AVL9: variants seen among roughly 807,000 people sequenced by gnomAD.
AVL9 encodes the protein late secretory pathway protein AVL9 homolog.
AVL9 carries 49 observed loss-of-function variants against 79.2 expected under a neutral mutation model. The observed-to-expected ratio is 0.62, with a 90% CI of 0.49 to 0.79. The LOEUF (loss-of-function observed/expected upper bound fraction) is 0.79. Ranked by LOEUF, AVL9 falls within the 30% of genes least tolerant of loss-of-function variation. The pLI, the probability that AVL9 is intolerant of heterozygous loss-of-function variation, is 0.00. For missense variants in AVL9, 682 were observed against 776.8 expected, an observed-to-expected ratio of 0.88 and a Z score of 1.45; for synonymous variants, 299 against 280.6, an observed-to-expected ratio of 1.07 and a Z score of -0.65.
chr7:32,549,378 C>T (rs1166226393), intron 4 of AVL9, among the ~76,000 whole-genome samples: 6 of 151,532 alleles, frequency 4.0e-5, no homozygotes, highest in African/African-American at 1.5e-4. Context: ...GCATGCACTA[C>T]CATGCCTGGC....
intron 11 of AVL9, among the ~76,000 whole-genome samples, chr7:32,572,172 GAAAA>G (rs72492692): frequency 1.4e-5 from 2 of 141,280 alleles, no homozygotes; most frequent in Admixed American, 6.9e-5. Flanking sequence ...AAAAAAAAAA[GAAAA>G]AAAAAAAATT....
intron 14 of AVL9, among the ~76,000 whole-genome samples, chr7:32,580,540 A>G (rs1257262259): frequency 6.6e-6 from 1 of 152,198 alleles, no homozygotes; most frequent in Non-Finnish European, 1.5e-5. Context: ...TGTCGGAGAG[A>G]TGCAGCCATA....
rs564452127 is a variant in AVL9, at chr7:32,576,801, A to AT, written c.1688+729_1688+730insT. On this transcript the variant is annotated intron_variant, in intron 13 of 15. Transcript: ENST00000318709. The stretch of plus-strand genomic sequence containing the variant: ...GACTTTGTCTCAAAAGAAAAAAAAA[A>AT]GTTAATATTTGGACTCCTGGATATA... Among the ~76,000 whole-genome samples, 42 of 152,222 alleles carry AT rather than the reference A, an allele frequency of 2.8e-4. No homozygotes were observed. The South Asian group carries it at 8.5e-3, about 31-fold the overall frequency.
At chr7:32,577,397 CAG>C (rs1261950617) in intron 13 of AVL9, among the ~76,000 whole-genome samples, 2 of 152,156 alleles carry the variant, frequency 1.3e-5, no homozygotes, top group Admixed American at 6.5e-5. Context: ...ATAGTAAAAA[CAG>C]AATTAAAAGG....
intron 1 of AVL9, chr7:32,532,822 T>G (rs926350440): frequency 3.9e-5 from 6 of 152,336 alleles, no homozygotes; most frequent in African/African-American, 1.4e-4. Context: ...GGAAGATTGC[T>G]TGATCCTAGG....
intron 7 of AVL9, 43 bp from the exon 8 acceptor site, chr7:32,554,515 T>C: frequency 7.8e-7 from 1 of 1,288,902 alleles, no homozygotes; most frequent in Non-Finnish European, 1.1e-6. Context: ...ATTATAGGCG[T>C]GAGTCTCTCA....
chr7:32,527,720 G>T (rs542377668), intron 1 of AVL9, among the ~76,000 whole-genome samples: 1 of 152,096 alleles, frequency 6.6e-6, no homozygotes, highest in Non-Finnish European at 1.5e-5. Context: ...CAACACTATG[G>T]GACAGAATTA....
At chr7:32,548,968 T>C in intron 4 of AVL9, 50 bp downstream of exon 4, 7 of 1,258,198 alleles carry the variant, frequency 5.6e-6, no homozygotes, top group Non-Finnish European at 7.7e-6. Flanking sequence ...ATGGCAGATC[T>C]TTCTTTAAGG....
intron 1 of AVL9, among the ~76,000 whole-genome samples, chr7:32,510,750 G>A (rs1787633150): frequency 9.2e-6 from 1 of 108,592 alleles, no homozygotes; most frequent in African/African-American, 3.3e-5. Context: ...TCTCCCCAGG[G>A]TAAGATTTGT....
Position 32,509,361 on chromosome 7 carries a change from CT to C in AVL9, c.93+13561del, listed in dbSNP as rs369230228. Among the ~76,000 whole-genome samples the C allele has an allele frequency of 3.8e-3, 573 of 152,240 alleles. 3 individuals carry two copies. The highest frequency in any genetic ancestry group is 0.013 in the African/African-American group (535 of 41,538). On this transcript the variant is annotated intron_variant, in intron 1 of 15. Transcript: ENST00000318709. ...TACCCTGTATCTATATAGCAGGGGCCTTGTACCCTGTGTGTGAGTTCTCAGG... is the reference window on the plus strand; with the variant it reads ...TACCCTGTATCTATATAGCAGGGGCCTGTACCCTGTGTGTGAGTTCTCAGG...
chr7:32,565,797 C>T lies in AVL9; in HGVS notation c.1216-4223C>T, dbSNP rs1790539519. 2.6e-5 allele frequency among the ~76,000 whole-genome samples: 4 copies of T among 152,182 alleles called. No individual in the cohort carries two copies. In the South Asian group the frequency reaches 8.3e-4, roughly 32 times the overall value. On this transcript the variant is annotated intron_variant, in intron 10 of 15. Coordinates refer to ENST00000318709, the MANE Select transcript of AVL9 (RefSeq NM_015060.3). ...CCGAGGCGGGCACATCATCTGAGGT[C>T]AAGAGATCAAGACCATCCAGGCCAA...
intron 13 of AVL9, 33 bp from the exon 14 acceptor site, chr7:32,580,186 T>C (rs750428349): frequency 3.3e-5 from 52 of 1,558,350 alleles, no homozygotes; most frequent in Admixed American, 5.2e-5. Context: ...TTTGGTAAAA[T>C]ACTGATAGTT....
At chr7:32,545,852 G>A (rs1789470761) in intron 3 of AVL9, among the ~76,000 whole-genome samples, 1 of 152,142 alleles carries the variant, frequency 6.6e-6, no homozygotes, top group Non-Finnish European at 1.5e-5. Context: ...CTCTAAAGTA[G>A]TGAGTGGTTC....
chr7:32,505,804 C>G (rs1224301550), intron 1 of AVL9, among the ~76,000 whole-genome samples: 3 of 152,066 alleles, frequency 2.0e-5, no homozygotes, highest in African/African-American at 7.2e-5. Flanking sequence ...ACATACTGTT[C>G]TAAGCAAACA....
intron 1 of AVL9, among the ~76,000 whole-genome samples, chr7:32,516,793 C>T (rs1033058690): frequency 1.4e-5 from 2 of 141,142 alleles, no homozygotes; most frequent in Non-Finnish European, 3.1e-5. Flanking sequence ...AGGTGGGAAA[C>T]AATCTAAGAA....
intron 14 of AVL9, among the ~76,000 whole-genome samples, 179 bp downstream of exon 14, chr7:32,580,451 T>C (rs1215205825): frequency 2.6e-5 from 4 of 152,242 alleles, no homozygotes; most frequent in Admixed American, 6.5e-5. Context: ...AGAACACCAC[T>C]GTTTCATACA....
chr7:32,576,506 C>T (rs1426940606), intron 13 of AVL9, among the ~76,000 whole-genome samples: 1 of 152,082 alleles, frequency 6.6e-6, no homozygotes, highest in Admixed American at 6.6e-5. Flanking sequence ...AAGTTAATAT[C>T]TGAAGCTGGG....
intron 4 of AVL9, among the ~76,000 whole-genome samples, chr7:32,550,918 G>A (rs1471184748): frequency 3.9e-5 from 6 of 152,096 alleles, no homozygotes; most frequent in Admixed American, 6.5e-5. Context: ...AATAGTAATC[G>A]CTAATGTTTG....
In AVL9 at chr7:32,544,743, A is replaced by G; in HGVS notation, c.264A>G (p.Val88=). 2 of 1,613,876 alleles carry G rather than the reference A, an allele frequency of 1.2e-6. No individual in the cohort carries two copies. The highest frequency in any genetic ancestry group is 1.7e-4 in the Middle Eastern group (1 of 6,058). The change falls in exon 3 of 16, where the codon GTA becomes GTG. Residue 88 remains valine (V), a synonymous_variant. Coordinates refer to ENST00000318709, the MANE Select transcript of AVL9 (RefSeq NM_015060.3). The part of the protein sequence containing the change: ...LPPRNGNGAT[V]FGISCYRQIE... ...CCAGAAATGGAAATGGAGCCACAGT[A>G]TTTGGTATCTCTTGCTATCGACAAA...
Sources: gnomAD v4.1 joint callset for allele counts (sites outside exome capture counted in the v4.1 genomes callset) on GRCh38, gnomAD v4.1.1 for gene constraint, MANE v1.5 for transcripts, NCBI Gene and HGNC (gene_info 2026-07-23, HGNC 2026-07-21) for gene names.